CADPS2: variants seen among roughly 807,000 people sequenced by gnomAD.
CADPS2 encodes calcium-dependent secretion activator 2.
A neutral mutation model predicts 172.5 loss-of-function variants in CADPS2; 93 were observed. That is an observed-to-expected ratio of 0.54 (90% CI 0.46 to 0.64). The LOEUF (loss-of-function observed/expected upper bound fraction) is 0.64, where lower values mean the gene tolerates loss of function less well. Among genes scored for constraint, CADPS2 ranks in the 30% least tolerant of loss-of-function variants. The probability of loss-of-function intolerance (pLI) is 0.00; values close to 1 mark genes in which losing one functional copy is unlikely to be tolerated. For synonymous variants in CADPS2, 546 were observed against 555.2 expected (o/e 0.98, Z 0.23); for missense variants, 1,420 against 1,565.9 (o/e 0.91, Z 1.57).
At chr7:122,323,804 T>A (rs896605372) in intron 29 of CADPS2, among the ~76,000 whole-genome samples, 1 of 146,412 alleles carries the variant, frequency 6.8e-6, no homozygotes, top group Non-Finnish European at 1.5e-5. Context: ...AATTGTAATA[T>A]TAATCACTGC....
intron 2 of CADPS2, among the ~76,000 whole-genome samples, chr7:122,732,217 G>T (rs2137559484): frequency 6.6e-6 from 1 of 151,560 alleles, no homozygotes; most frequent in East Asian, 1.9e-4. Flanking sequence ...AAGAAGAAAT[G>T]AATTTTGTCA....
intron 6 of CADPS2, among the ~76,000 whole-genome samples, chr7:122,583,302 C>T (rs1013338570): frequency 1.7e-4 from 26 of 152,030 alleles, no homozygotes; most frequent in Non-Finnish European, 1.5e-4. Context: ...TGAAAACCAA[C>T]ATTCCTGCCA....
chr7:122,841,626 G>A (rs1810531410), intron 1 of CADPS2, among the ~76,000 whole-genome samples: 1 of 152,118 alleles, frequency 6.6e-6, no homozygotes, highest in African/African-American at 2.4e-5. Flanking sequence ...GCAAGAGTAG[G>A]AGAAAACACA....
intron 2 of CADPS2, among the ~76,000 whole-genome samples, chr7:122,672,077 A>G (rs888879483): frequency 6.6e-6 from 1 of 152,200 alleles, no homozygotes; most frequent in Non-Finnish European, 1.5e-5. Context: ...AATAAATTAT[A>G]CTGTCTAATA....
chr7:122,440,722 G>C (rs2051241677), intron 16 of CADPS2, among the ~76,000 whole-genome samples: 1 of 152,110 alleles, frequency 6.6e-6, no homozygotes, highest in African/African-American at 2.4e-5. Flanking sequence ...ACAAGATCAA[G>C]TGTTAGAAGT....
chr7:122,490,608 T>A (rs969196769), intron 10 of CADPS2, among the ~76,000 whole-genome samples: 6 of 152,150 alleles, frequency 3.9e-5, no homozygotes, highest in Non-Finnish European at 4.4e-5. Context: ...AGAAGTTTTA[T>A]CTGTTGGCAT....
Position 122,479,598 on chromosome 7 carries a change from T to C in CADPS2, c.1861+1254A>G, listed in dbSNP as rs2057062895. Among the ~76,000 whole-genome samples the C allele has an allele frequency of 2.0e-5, 3 of 152,188 alleles. No individual in the cohort carries two copies. In the South Asian group the frequency reaches 6.2e-4, roughly 31 times the overall value. On this transcript the variant is annotated intron_variant, in intron 12 of 29. Coordinates refer to ENST00000449022, the MANE Select transcript of CADPS2 (RefSeq NM_017954.11). The stretch of plus-strand genomic sequence containing the variant: ...GGTTAAATTGATTCAAAACCTGATA[T>C]ATGAATTAACACATCTTGCTTTCTG...
At chr7:122,797,346 G>A (rs1796595773) in intron 1 of CADPS2, among the ~76,000 whole-genome samples, 1 of 152,026 alleles carries the variant, frequency 6.6e-6, no homozygotes. Context: ...CCCATTACCA[G>A]GTATATACCC....
At chr7:122,570,647 T>C (rs754240989) in intron 7 of CADPS2, among the ~76,000 whole-genome samples, 1 of 150,726 alleles carries the variant, frequency 6.6e-6, no homozygotes. Context: ...TGTCCAACAA[T>C]GATAGACTGG....
At chr7:122,363,273 T>C (rs1309280964) in intron 25 of CADPS2, among the ~76,000 whole-genome samples, 1 of 152,178 alleles carries the variant, frequency 6.6e-6, no homozygotes, top group African/African-American at 2.4e-5. Flanking sequence ...AAGTGTGTAC[T>C]GGGTGATCTC....
At chr7:122,456,921 C>T (rs1428052391) in intron 14 of CADPS2, among the ~76,000 whole-genome samples, 1 of 152,180 alleles carries the variant, frequency 6.6e-6, no homozygotes, top group Non-Finnish European at 1.5e-5. Flanking sequence ...CAGATTACTG[C>T]ATTCTAAAAC....
intron 6 of CADPS2, among the ~76,000 whole-genome samples, chr7:122,592,742 A>T (rs1193949540): frequency 6.6e-6 from 1 of 151,956 alleles, no homozygotes; most frequent in Non-Finnish European, 1.5e-5. Context: ...CAAGGACAGA[A>T]AACCAAACAC....
At chr7:122,540,821 T>C (rs1024634876) in intron 8 of CADPS2, among the ~76,000 whole-genome samples, 18 of 152,170 alleles carry the variant, frequency 1.2e-4, no homozygotes, top group Non-Finnish European at 2.1e-4. Context: ...ACGCAATTTG[T>C]GCTCTGTATC....
intron 1 of CADPS2, among the ~76,000 whole-genome samples, chr7:122,822,698 T>C (rs1158502774): frequency 6.6e-6 from 1 of 151,706 alleles, no homozygotes; most frequent in African/African-American, 2.4e-5. Flanking sequence ...ACAAAAAAAG[T>C]GTAAATGGCC....
chr7:122,343,696 T>G (rs960348618), intron 28 of CADPS2, among the ~76,000 whole-genome samples: 1 of 152,216 alleles, frequency 6.6e-6, no homozygotes. Context: ...CTTTTCAACA[T>G]AGAAGACGTG....
At chr7:122,490,355 C>T (rs1306940528) in intron 10 of CADPS2, 74 bp from the exon 11 acceptor site, 1 of 1,172,180 alleles carries the variant, frequency 8.5e-7, no homozygotes, top group Non-Finnish European at 1.3e-6. Flanking sequence ...ACTAACTGAC[C>T]TCATGGAAAA....
At chr7:122,876,119 A>G (rs2141617173) in intron 1 of CADPS2, among the ~76,000 whole-genome samples, 1 of 152,208 alleles carries the variant, frequency 6.6e-6, no homozygotes, top group African/African-American at 2.4e-5. Flanking sequence ...TCAGGAGCTC[A>G]AGACCAGCCT....
intron 8 of CADPS2, among the ~76,000 whole-genome samples, chr7:122,553,096 G>T (rs1324751537): frequency 1.3e-5 from 2 of 152,012 alleles, no homozygotes. Flanking sequence ...CAAAAGTCAG[G>T]TGTCCTGTGA....
At chr7:122,857,361 T>C (rs528592745) in intron 1 of CADPS2, among the ~76,000 whole-genome samples, 2 of 152,206 alleles carry the variant, frequency 1.3e-5, no homozygotes, top group East Asian at 3.9e-4. Context: ...TGGAGATGTA[T>C]GAGTAATAAA....
Sources: allele counts gnomAD v4.1 joint callset (sites outside exome capture counted in the v4.1 genomes callset), GRCh38; gene constraint gnomAD v4.1.1; transcripts MANE v1.5; gene names NCBI Gene and HGNC (gene_info 2026-07-23, HGNC 2026-07-21).